The following HDAC9 variants were observed in gnomAD, a reference collection of about 807,000 sequenced individuals.
HDAC9 encodes the protein MEF-2 interacting transcription repressor (MITR) protein.
Under a neutral mutation model 139.4 loss-of-function variants are expected in HDAC9, and 41 were observed. The ratio of observed to expected loss-of-function variants is 0.29; its 90% CI spans 0.23 to 0.38. The LOEUF (loss-of-function observed/expected upper bound fraction) is 0.38, where lower values mean the gene tolerates loss of function less well. Among genes scored for constraint, HDAC9 ranks in the 10% least tolerant of loss-of-function variants. HDAC9 has a pLI of 1.00. For missense variants in HDAC9, 1,147 were observed against 1,297.0 expected (o/e 0.88, Z 1.78); for synonymous variants, 517 against 476.2 (o/e 1.09, Z -1.12).
chr7:18,969,130 G>C (rs981894948), intron 24 of HDAC9, among the ~76,000 whole-genome samples: 1 of 151,908 alleles, frequency 6.6e-6, no homozygotes, highest in African/African-American at 2.4e-5. Flanking sequence ...TGTTTCATTT[G>C]AATAATTTTC....
At chr7:18,259,340 A>G (rs577499298) in intron 2 of HDAC9, among the ~76,000 whole-genome samples, 1 of 151,986 alleles carries the variant, frequency 6.6e-6, no homozygotes, top group East Asian at 1.9e-4. Flanking sequence ...TAAAAGTAAG[A>G]TTTTATTGAT....
intron 1 of HDAC9, among the ~76,000 whole-genome samples, chr7:18,450,066 T>TG (rs1166488901): frequency 3.5e-4 from 54 of 152,200 alleles, no homozygotes; most frequent in Non-Finnish European, 2.8e-4. Flanking sequence ...ATATTTGAGT[T>TG]GAGGCTGCAT....
At chr7:18,729,406 T>A (rs1295263739) in intron 13 of HDAC9, among the ~76,000 whole-genome samples, 2 of 152,188 alleles carry the variant, frequency 1.3e-5, no homozygotes, top group Admixed American at 6.5e-5. Flanking sequence ...ATCCTATGGA[T>A]AAAGTTTCTT....
chr7:18,420,697 A>G (rs974334088), intron 1 of HDAC9, among the ~76,000 whole-genome samples: 1 of 152,198 alleles, frequency 6.6e-6, no homozygotes, highest in African/African-American at 2.4e-5. Context: ...GAAAAATAAT[A>G]TCCCTGATCT....
intron 1 of HDAC9, among the ~76,000 whole-genome samples, chr7:18,302,104 T>G (rs1389407237): frequency 6.6e-6 from 1 of 152,188 alleles, no homozygotes; most frequent in Non-Finnish European, 1.5e-5. Flanking sequence ...AAGTGAAAAT[T>G]GAAGAGTTTA....
At chr7:18,398,016 A>T (rs1404368880) in intron 1 of HDAC9, among the ~76,000 whole-genome samples, 1 of 152,164 alleles carries the variant, frequency 6.6e-6, no homozygotes, top group Non-Finnish European at 1.5e-5. Context: ...TCTGAAACCC[A>T]CTGAGGTTCG....
Position 18,495,994 on chromosome 7 carries a change from T to G in HDAC9, c.-71T>G. 7.2e-7 allele frequency: 1 copy of G among 1,381,194 alleles called. No individual in the cohort carries two copies. Among genetic ancestry groups the G allele is most frequent in the East Asian group, 2.6e-5 (1 of 38,160 alleles). 85.6% of individuals were successfully genotyped at this position (1,381,194 alleles called of 1,614,324 possible). A position where few individuals can be genotyped will look rare whatever the true frequency, so the allele number is the denominator to read the frequency against. ...ACCTAAACTCCAGAGAGCTATAGCA[T>G]CCACTCTGTCCTTTCTGCTTTGCAC... On this transcript the variant is annotated 5_prime_UTR_variant, in exon 1 of 26. Coordinates refer to ENST00000686413, the MANE Select transcript of HDAC9 (RefSeq NM_178425.4).
chr7:18,841,340 A>G (rs375972757), intron 21 of HDAC9, among the ~76,000 whole-genome samples: 1 of 152,100 alleles, frequency 6.6e-6, no homozygotes, highest in South Asian at 2.1e-4. Flanking sequence ...ATATTTTAAT[A>G]TAATTTCATG....
At chr7:18,426,607 C>T (rs2128756857) in intron 1 of HDAC9, among the ~76,000 whole-genome samples, 1 of 152,282 alleles carries the variant, frequency 6.6e-6, no homozygotes, top group Middle Eastern at 3.4e-3. Flanking sequence ...AAATGACTAC[C>T]TCAGGCATCT....
At chr7:18,992,521 G>C (rs1282532549) in intron 25 of HDAC9, among the ~76,000 whole-genome samples, 1 of 152,144 alleles carries the variant, frequency 6.6e-6, no homozygotes, top group African/African-American at 2.4e-5. Flanking sequence ...CCTTTCAGGA[G>C]GAAGAGGAGT....
intron 24 of HDAC9, 89 bp from the exon 25 acceptor site, chr7:18,975,714 TAAC>T (rs1784507159): frequency 8.0e-7 from 1 of 1,243,186 alleles, no homozygotes; most frequent in South Asian, 1.4e-5. Flanking sequence ...AATTTTAACT[TAAC>T]AACTGCTCTG....
intron 21 of HDAC9, among the ~76,000 whole-genome samples, chr7:18,846,497 A>C (rs753709784): frequency 6.6e-5 from 10 of 152,242 alleles, no homozygotes; most frequent in Non-Finnish European, 5.9e-5. Context: ...TATAGACTAT[A>C]TCACTTCAAA....
intron 16 of HDAC9, among the ~76,000 whole-genome samples, chr7:18,779,822 G>C (rs956815553): frequency 6.6e-6 from 1 of 151,940 alleles, no homozygotes; most frequent in African/African-American, 2.4e-5. Flanking sequence ...GTTCTCCAAA[G>C]CCCTGCAACC....
chr7:18,687,563 T>C (rs1782362574), intron 12 of HDAC9, among the ~76,000 whole-genome samples: 1 of 151,848 alleles, frequency 6.6e-6, no homozygotes, highest in Admixed American at 6.6e-5. Context: ...TCTCCGGGTA[T>C]AGTAGTAGAT....
intron 2 of HDAC9, among the ~76,000 whole-genome samples, chr7:18,583,262 A>G (rs1828379343): frequency 6.6e-6 from 1 of 152,218 alleles, no homozygotes; most frequent in Non-Finnish European, 1.5e-5. Context: ...ACTTACTGTT[A>G]CTATCTCCAA....
At chr7:18,159,584 G>C (rs1787476305) in intron 1 of HDAC9, among the ~76,000 whole-genome samples, 1 of 152,096 alleles carries the variant, frequency 6.6e-6, no homozygotes, top group African/African-American at 2.4e-5. Context: ...AGCATATATA[G>C]CCTATGATGT....
intron 14 of HDAC9, among the ~76,000 whole-genome samples, chr7:18,761,377 G>C (rs778322564): frequency 6.6e-5 from 10 of 152,200 alleles, no homozygotes; most frequent in Non-Finnish European, 1.5e-4. Context: ...GTCTCAAACA[G>C]TGTCTGATTA....
chr7:18,780,514 G>A (rs1791160051), intron 16 of HDAC9, among the ~76,000 whole-genome samples: 1 of 152,010 alleles, frequency 6.6e-6, no homozygotes, highest in Non-Finnish European at 1.5e-5. Flanking sequence ...GGATGATTCA[G>A]TGAAGAAGCA....
chr7:18,980,816 C>T (rs1318750423), intron 25 of HDAC9, among the ~76,000 whole-genome samples: 30 of 145,828 alleles, frequency 2.1e-4, no homozygotes, highest in Admixed American at 5.6e-4. Context: ...CCTTCTCCTC[C>T]GTCTCCTTCT....
Sources: allele counts gnomAD v4.1 joint callset (sites outside exome capture counted in the v4.1 genomes callset), GRCh38; gene constraint gnomAD v4.1.1; transcripts MANE v1.5; gene names NCBI Gene and HGNC (gene_info 2026-07-23, HGNC 2026-07-21).